Variants in DCC observed in about 807,000 individuals in gnomAD.
DCC encodes netrin receptor DCC.
Under a neutral mutation model 172.5 loss-of-function variants are expected in DCC, and 58 were observed. The ratio of observed to expected loss-of-function variants is 0.34; its 90% CI spans 0.27 to 0.42. The LOEUF (loss-of-function observed/expected upper bound fraction) is 0.42. Ranked by LOEUF, DCC falls within the 10% of genes least tolerant of loss-of-function variation. The pLI is 1.00. For missense variants in DCC, 1,740 were observed against 1,791.0 expected, an observed-to-expected ratio of 0.97 and a Z score of 0.51; for synonymous variants, 709 against 644.5, an observed-to-expected ratio of 1.10 and a Z score of -1.52.
intron 12 of DCC, among the ~76,000 whole-genome samples, chr18:53,251,501 G>T (rs2056433315): frequency 1.3e-5 from 2 of 151,886 alleles, no homozygotes; most frequent in South Asian, 4.1e-4. Flanking sequence ...AAATAATCAA[G>T]AACTTGTCAA....
intron 2 of DCC, among the ~76,000 whole-genome samples, chr18:52,761,032 G>T (rs111621597): frequency 6.6e-6 from 1 of 152,094 alleles, no homozygotes; most frequent in Admixed American, 6.5e-5. Context: ...CTAATACATT[G>T]GTCATTGTAT....
chr18:52,471,026 G>T (rs1342519106), intron 1 of DCC, among the ~76,000 whole-genome samples: 1 of 152,154 alleles, frequency 6.6e-6, no homozygotes, highest in Admixed American at 6.5e-5. Flanking sequence ...GTGAGTTCTA[G>T]TCTAATAACT....
At chr18:53,287,004 A>G (rs2056943385) in intron 12 of DCC, among the ~76,000 whole-genome samples, 1 of 152,094 alleles carries the variant, frequency 6.6e-6, no homozygotes. Context: ...TCCAGTTTTA[A>G]CATCTTCACA....
intron 2 of DCC, among the ~76,000 whole-genome samples, chr18:52,900,094 C>A (rs1221255864): frequency 6.6e-6 from 1 of 152,128 alleles, no homozygotes; most frequent in African/African-American, 2.4e-5. Flanking sequence ...ACCTGTAGGA[C>A]AACTGGTTCT....
chr18:53,059,663 T>A (rs1281755591), intron 5 of DCC, among the ~76,000 whole-genome samples: 1 of 152,180 alleles, frequency 6.6e-6, no homozygotes, highest in Non-Finnish European at 1.5e-5. Flanking sequence ...TCATGGTACC[T>A]CATTCTTCAC....
At chr18:52,346,951 C>A (rs1444710869) in intron 1 of DCC, among the ~76,000 whole-genome samples, 1 of 152,122 alleles carries the variant, frequency 6.6e-6, no homozygotes, top group Non-Finnish European at 1.5e-5. Flanking sequence ...CCCTTTAAAA[C>A]CATTTGTGGT....
chr18:53,013,527 A>G (rs2041761652), intron 5 of DCC, among the ~76,000 whole-genome samples: 1 of 151,756 alleles, frequency 6.6e-6, no homozygotes, highest in African/African-American at 2.4e-5. Flanking sequence ...ACATCACACA[A>G]CAGGGCATTA....
At chr18:52,782,028 A>T (rs1260984227) in intron 2 of DCC, among the ~76,000 whole-genome samples, 2 of 152,194 alleles carry the variant, frequency 1.3e-5, no homozygotes, top group Non-Finnish European at 2.9e-5. Context: ...TTTCTGAATG[A>T]TAAAAAGGAC....
rs377441591 is a variant in DCC at position 53,051,324 on chromosome 18, T to G, written c.986-11981T>G. On this transcript the variant is annotated intron_variant, in intron 5 of 28. Coordinates refer to ENST00000442544, the MANE Select transcript of DCC (RefSeq NM_005215.4). ...AACATCTCTCATAGCAGATTTACCT[T>G]CTCATTCCTCCTCTCATTTGCCCAC... is the stretch of plus-strand genomic sequence containing the variant. 5.3e-5 allele frequency among the ~76,000 whole-genome samples: 8 copies of G among 152,246 alleles called. 1 individual carries two copies. Among genetic ancestry groups the G allele is most frequent in the African/African-American group, 1.4e-4 (6 of 41,568 alleles).
chr18:52,865,862 T>A (rs2039219768), intron 2 of DCC, among the ~76,000 whole-genome samples: 1 of 152,200 alleles, frequency 6.6e-6, no homozygotes, highest in African/African-American at 2.4e-5. Context: ...TTCACTCTGA[T>A]GAGAGTTTCT....
intron 5 of DCC, among the ~76,000 whole-genome samples, chr18:53,017,080 C>CTT (rs780984399): frequency 4.8e-4 from 63 of 131,288 alleles, no homozygotes; most frequent in East Asian, 1.5e-3. Flanking sequence ...TTTTTCTTTT[C>CTT]TTTTTTTTTT....
intron 2 of DCC, among the ~76,000 whole-genome samples, chr18:52,768,496 A>G (rs1194719848): frequency 6.6e-6 from 1 of 152,204 alleles, no homozygotes; most frequent in Admixed American, 6.5e-5. Context: ...GCTGCCCTCA[A>G]CATTTCAGAC....
At chr18:53,200,580 C>T (rs912679268) in intron 9 of DCC, among the ~76,000 whole-genome samples, 8 of 152,140 alleles carry the variant, frequency 5.3e-5, no homozygotes, top group African/African-American at 1.7e-4. Context: ...ACTGAGCAGC[C>T]CTGGCTAGGC....
At chr18:53,455,473 TC>T (rs2045471743) in intron 23 of DCC, among the ~76,000 whole-genome samples, 2 of 152,010 alleles carry the variant, frequency 1.3e-5, no homozygotes, top group Non-Finnish European at 2.9e-5. Flanking sequence ...GAAAAAAAAC[TC>T]CCCTTACAGT....
intron 5 of DCC, among the ~76,000 whole-genome samples, chr18:53,051,238 A>AATAC (rs1324895759): frequency 1.3e-5 from 2 of 152,036 alleles, no homozygotes; most frequent in Non-Finnish European, 2.9e-5. Context: ...TAAATAAATA[A>AATAC]ATACATACAT....
Position 53,144,145 on chromosome 18 carries a change from T to C in DCC, c.1262-13211T>C, listed in dbSNP as rs918992817. 2.0e-5 allele frequency among the ~76,000 whole-genome samples: 3 copies of C among 152,234 alleles called. No homozygotes were observed. In the East Asian group the frequency reaches 5.8e-4, roughly 29 times the overall value. On this transcript the variant is annotated intron_variant, in intron 7 of 28. Transcript: ENST00000442544. ...TAACAGCTCTGCATATTAGGGATGT[T>C]AATGCTTTTAATAATATGGAAAATG...
chr18:53,261,183 C>T (rs557911849), intron 12 of DCC, among the ~76,000 whole-genome samples: 3 of 152,290 alleles, frequency 2.0e-5, no homozygotes, highest in African/African-American at 7.2e-5. Context: ...TGCTTTGGCT[C>T]ACATTCAGTG....
intron 1 of DCC, among the ~76,000 whole-genome samples, chr18:52,694,301 G>T (rs1340644272): frequency 2.0e-5 from 3 of 152,076 alleles, no homozygotes; most frequent in Middle Eastern, 6.3e-3. Flanking sequence ...AAGATATGAT[G>T]ATGGGATGCA....
chr18:53,021,728 CAGAG>C (rs2041884438), intron 5 of DCC, among the ~76,000 whole-genome samples: 1 of 152,178 alleles, frequency 6.6e-6, no homozygotes, highest in Non-Finnish European at 1.5e-5. Context: ...TGTACTGTAA[CAGAG>C]AGAAAGAAAG....
Sources: gnomAD v4.1 joint callset for allele counts (sites outside exome capture counted in the v4.1 genomes callset) on GRCh38, gnomAD v4.1.1 for gene constraint, MANE v1.5 for transcripts, NCBI Gene and HGNC (gene_info 2026-07-23, HGNC 2026-07-21) for gene names.